The following TACC2 variants were observed in gnomAD, a reference collection of about 807,000 sequenced individuals.
TACC2 encodes transforming acidic coiled-coil-containing protein 2.
Under a neutral mutation model 227.3 loss-of-function variants are expected in TACC2, and 137 were observed. The observed-to-expected ratio is 0.60, with a 90% CI of 0.52 to 0.69. The LOEUF is 0.69. Ranked by LOEUF, TACC2 falls within the 30% of genes least tolerant of loss-of-function variation. The pLI, the probability that TACC2 is intolerant of heterozygous loss-of-function variation, is 0.00. For synonymous variants in TACC2, 1,523 were observed against 1,487.5 expected, an observed-to-expected ratio of 1.02 and a Z score of -0.55; for missense variants, 3,470 against 3,694.4, an observed-to-expected ratio of 0.94 and a Z score of 1.57.
chr10:122,169,599 A>G (rs1182439643), intron 7 of TACC2, among the ~76,000 whole-genome samples: 2 of 152,182 alleles, frequency 1.3e-5, no homozygotes, highest in Non-Finnish European at 2.9e-5. Context: ...TATACGGATG[A>G]TTGGTACAGG....
At chr10:122,146,578 A>G (rs978427504) in intron 7 of TACC2, among the ~76,000 whole-genome samples, 4 of 152,132 alleles carry the variant, frequency 2.6e-5, no homozygotes, top group Non-Finnish European at 5.9e-5. Context: ...CCCCCTCGTT[A>G]TAGGATACCC....
intron 18 of TACC2, chr10:122,241,730 AT>A: frequency 6.9e-6 from 4 of 582,668 alleles, no homozygotes; most frequent in Non-Finnish European, 9.2e-6. Context: ...ACCTGGTTTG[AT>A]TTTTTTTCTT....
intron 7 of TACC2, among the ~76,000 whole-genome samples, chr10:122,185,867 T>G (rs566593021): frequency 6.6e-6 from 1 of 152,230 alleles, no homozygotes; most frequent in East Asian, 1.9e-4. Context: ...TGAAAGCTCC[T>G]TCTGTGTCTT....
At chr10:122,203,288 G>C (rs2094945173) in intron 8 of TACC2, among the ~76,000 whole-genome samples, 3 of 134,392 alleles carry the variant, frequency 2.2e-5, no homozygotes, top group East Asian at 2.6e-4. Flanking sequence ...CGGGCAGAGG[G>C]GCTCCTCACT....
rs554927445 is a variant in TACC2, at chr10:122,163,831, C to T, written c.5834+20125C>T. 5,219 of 1,472,520 alleles carry T rather than the reference C, an allele frequency of 3.5e-3. 17 individuals are homozygous for T. The highest frequency in any genetic ancestry group is 4.0e-3 in the Non-Finnish European group (4,469 of 1,111,058). 91.2% of individuals were successfully genotyped at this position (1,472,520 alleles called of 1,614,324 possible). Reference sequence around the variant, plus strand: ...CCCCTCTGCAGTGCAGCAACCCCGGCCGCCGGCCGGCTCGCCCCGGCTCCC... The same window carrying T: ...CCCCTCTGCAGTGCAGCAACCCCGGTCGCCGGCCGGCTCGCCCCGGCTCCC... On this transcript the variant is annotated intron_variant, in intron 7 of 22. Coordinates refer to ENST00000369005, the MANE Select transcript of TACC2 (RefSeq NM_206862.4).
intron 21 of TACC2, 37 bp from the exon 22 acceptor site, chr10:122,249,507 C>T (rs781489473): frequency 6.2e-7 from 1 of 1,607,316 alleles, no homozygotes; most frequent in Non-Finnish European, 8.5e-7. Context: ...TAGTGATCCA[C>T]AAAAGAGTGA....
intron 7 of TACC2, among the ~76,000 whole-genome samples, chr10:122,152,206 G>A (rs1249648072): frequency 3.9e-5 from 6 of 152,290 alleles, no homozygotes; most frequent in Admixed American, 6.5e-5. Flanking sequence ...TCTAAATACC[G>A]TCTTGCTGAG....
chr10:122,019,978 G>A (rs1250114972), intron 1 of TACC2: 1 of 152,206 alleles, frequency 6.6e-6, no homozygotes, highest in African/African-American at 2.4e-5. Flanking sequence ...GATTCCAGAC[G>A]CAGCCAGGCT....
chr10:122,127,601 T>G (rs561461843), intron 5 of TACC2, among the ~76,000 whole-genome samples: 2 of 151,610 alleles, frequency 1.3e-5, no homozygotes, highest in African/African-American at 4.8e-5. Flanking sequence ...TCTGACAGAT[T>G]TTTTTTTTCC....
chr10:122,203,326 G>A (rs1046571413), intron 8 of TACC2, among the ~76,000 whole-genome samples: 137 of 135,032 alleles, frequency 1.0e-3, no homozygotes, highest in Non-Finnish European at 1.3e-3. Flanking sequence ...GGGCAGAGGC[G>A]CCCCTCACTT....
rs1235327413 is a variant in TACC2 at position 122,180,631 on chromosome 10, C to T, written c.5835-14409C>T. ...GGGATTACAGGCATGAGCCACCGCACCCGGCCTCTTCCCTCGAGTTCTAAT... is the reference window on the plus strand; with the variant it reads ...GGGATTACAGGCATGAGCCACCGCATCCGGCCTCTTCCCTCGAGTTCTAAT... On this transcript the variant is annotated intron_variant, in intron 7 of 22. Coordinates refer to ENST00000369005, the MANE Select transcript of TACC2 (RefSeq NM_206862.4). The surrounding 1 kb of genome is among the most constrained non-coding windows in gnomAD (Gnocchi z 4.5). Among the ~76,000 whole-genome samples the T allele has an allele frequency of 6.6e-6, 1 of 152,194 alleles. No individual in the cohort carries two copies. Among genetic ancestry groups the T allele is most frequent in the Non-Finnish European group, 1.5e-5 (1 of 68,038 alleles).
chr10:122,050,081 A>G lies in TACC2; in HGVS notation c.34-357A>G, dbSNP rs977808758. The stretch of plus-strand genomic sequence containing the variant: ...TGTTTTCATCTCAGGAGTGCCACAA[A>G]CAAATTGGACACTTTCAAGTCTTAG... On this transcript the variant is annotated intron_variant, in intron 2 of 22. Transcript: ENST00000369005. This position sits in a 1 kb window ranked among gnomAD's most constrained non-coding sequence, Gnocchi z 4.6. Among the ~76,000 whole-genome samples the G allele has an allele frequency of 6.6e-6, 1 of 152,198 alleles. No individual in the cohort carries two copies. Among genetic ancestry groups the G allele is most frequent in the Non-Finnish European group, 1.5e-5 (1 of 68,036 alleles).
Position 122,085,477 on chromosome 10 carries a change from T to A in TACC2, c.2977T>A (p.Ser993Thr). 1 of 1,613,678 alleles carries A rather than the reference T, an allele frequency of 6.2e-7. No homozygotes were observed. ...TCCTGQGPNK[S>T]QQALADALEE... ...CTGCACTGGGCAGGGGCCAAACAAG[T>A]CTCAACAGGCATTGGCTGATGCCTT... Residue 993 changes from serine to threonine, a missense_variant, in exon 4 of 23, where the codon TCT becomes ACT. By Grantham distance (58) the Ser-to-Thr change is moderately conservative (BLOSUM62 1). Coordinates refer to ENST00000369005, the MANE Select transcript of TACC2 (RefSeq NM_206862.4).
intron 7 of TACC2, among the ~76,000 whole-genome samples, chr10:122,178,975 A>G (rs2093858864): frequency 1.3e-5 from 2 of 152,230 alleles, no homozygotes; most frequent in South Asian, 2.1e-4. Context: ...TAGCAGGAAC[A>G]TTGAGATAAT....
At chr10:122,196,946 A>C (rs1336583005) in intron 8 of TACC2, among the ~76,000 whole-genome samples, 10 of 149,954 alleles carry the variant, frequency 6.7e-5, no homozygotes, top group Non-Finnish European at 1.5e-4. Context: ...AAAAAAAAAA[A>C]AAAAACAAAA....
intron 5 of TACC2, among the ~76,000 whole-genome samples, chr10:122,119,012 C>T (rs1162409316): frequency 6.6e-6 from 1 of 151,834 alleles, no homozygotes; most frequent in African/African-American, 2.4e-5. Flanking sequence ...GATGTACCAT[C>T]ATAACCATTT....
intron 11 of TACC2, among the ~76,000 whole-genome samples, chr10:122,222,126 G>T (rs1195459284): frequency 6.6e-6 from 1 of 152,226 alleles, no homozygotes; most frequent in Non-Finnish European, 1.5e-5. Flanking sequence ...ACTTGGTGTG[G>T]TGACATCACC....
chr10:122,050,669 TC>T lies in TACC2; in HGVS notation c.146+121del, dbSNP rs1265415325. The T allele has an allele frequency of 4.1e-5, 30 of 724,250 alleles. No individual in the cohort carries two copies. The Admixed American group carries it at 7.5e-4, about 18-fold the overall frequency. 44.9% of individuals were successfully genotyped at this position (724,250 alleles called of 1,614,324 possible). On this transcript the variant is annotated intron_variant, in intron 3 of 22. Coordinates refer to ENST00000369005, the MANE Select transcript of TACC2 (RefSeq NM_206862.4). The surrounding 1 kb of genome is among the most constrained non-coding windows in gnomAD (Gnocchi z 4.6). ...CTGGACCCTTAGACACATGGTATCG[TC>T]CTCAGTGGTGAGATGTTCCAAGCAG...
At chr10:122,147,177 C>T (rs189798720) in intron 7 of TACC2, among the ~76,000 whole-genome samples, 67 of 151,920 alleles carry the variant, frequency 4.4e-4, no homozygotes, top group Non-Finnish European at 8.4e-4. Context: ...CAGAGTCTCA[C>T]TCTGTCACCC....
Sources: allele counts gnomAD v4.1 joint callset (sites outside exome capture counted in the v4.1 genomes callset), GRCh38; gene constraint gnomAD v4.1.1; non-coding constraint Gnocchi (gnomAD v3.1); transcripts MANE v1.5; gene names NCBI Gene and HGNC (gene_info 2026-07-23, HGNC 2026-07-21).